CADM2: variants seen among roughly 807,000 people sequenced by gnomAD.
CADM2 encodes immunoglobulin superfamily member 4D.
In CADM2, 12 loss-of-function variants were observed where a neutral mutation model predicts 49.8. That is an observed-to-expected ratio of 0.24 (90% CI 0.15 to 0.39). CADM2 has a LOEUF of 0.39. Ranked by LOEUF, CADM2 falls within the 10% of genes least tolerant of loss-of-function variation. The probability of loss-of-function intolerance (pLI) is 1.00; values close to 1 mark genes in which losing one functional copy is unlikely to be tolerated. For synonymous variants in CADM2, 214 were observed against 175.4 expected (o/e 1.22, Z -1.74); for missense variants, 378 against 492.3 (o/e 0.77, Z 2.20).
chr3:86,027,045 G>A (rs1733982596), intron 8 of CADM2, among the ~76,000 whole-genome samples: 1 of 152,006 alleles, frequency 6.6e-6, no homozygotes, highest in African/African-American at 2.4e-5. Flanking sequence ...CAATTCAGAA[G>A]GAAGAATAAA....
At chr3:85,992,230 T>C (rs1004243249) in intron 8 of CADM2, 2 of 152,104 alleles carry the variant, frequency 1.3e-5, no homozygotes, top group African/African-American at 4.8e-5. Flanking sequence ...GTACTGCTTA[T>C]ACAAAAAAAT....
intron 3 of CADM2, among the ~76,000 whole-genome samples, chr3:85,828,845 C>A (rs1363053748): frequency 6.6e-6 from 1 of 151,842 alleles, no homozygotes. Flanking sequence ...CTGTACCTGA[C>A]AAATGATAGA....
At chr3:85,319,881 C>A (rs779285325) in intron 1 of CADM2, among the ~76,000 whole-genome samples, 14 of 152,126 alleles carry the variant, frequency 9.2e-5, no homozygotes, top group Non-Finnish European at 1.8e-4. Context: ...GTGACATGAG[C>A]TGTTCTATTT....
intron 1 of CADM2, among the ~76,000 whole-genome samples, chr3:85,471,851 G>C (rs1232848191): frequency 6.6e-6 from 1 of 151,474 alleles, no homozygotes; most frequent in Non-Finnish European, 1.5e-5. Context: ...ATATTTTAAA[G>C]ATTAACATAA....
At chr3:85,188,016 C>T (rs1004410867) in intron 1 of CADM2, among the ~76,000 whole-genome samples, 4 of 151,618 alleles carry the variant, frequency 2.6e-5, no homozygotes, top group African/African-American at 9.7e-5. Context: ...AAGTTATTAT[C>T]TAAATTATTT....
At chr3:85,069,206 C>G (rs1235536082) in intron 1 of CADM2, among the ~76,000 whole-genome samples, 1 of 151,794 alleles carries the variant, frequency 6.6e-6, no homozygotes, top group Non-Finnish European at 1.5e-5. Flanking sequence ...AGATTTGATA[C>G]TGTAAATTTA....
At chr3:85,631,305 T>C (rs1467725726) in intron 1 of CADM2, among the ~76,000 whole-genome samples, 4 of 152,128 alleles carry the variant, frequency 2.6e-5, no homozygotes, top group African/African-American at 7.2e-5. Flanking sequence ...TGGGGTATAG[T>C]ATCTTCATAG....
chr3:85,026,843 T>C lies in CADM2; in HGVS notation c.61+67175T>C, dbSNP rs375007247. ...AACTATAAGCCCTACATTAATCTGC[T>C]TGGTTGAAAATGGAGATACTTTACT... On this transcript the variant is annotated intron_variant, in intron 1 of 9. Coordinates refer to ENST00000383699, the MANE Select transcript of CADM2 (RefSeq NM_001167675.2). Among the ~76,000 whole-genome samples, 11 of 152,170 alleles carry C rather than the reference T, an allele frequency of 7.2e-5. 1 individual carries two copies. The East Asian group carries it at 9.7e-4, about 13-fold the overall frequency.
intron 1 of CADM2, among the ~76,000 whole-genome samples, chr3:85,069,198 A>G (rs930309841): frequency 4.6e-5 from 7 of 151,974 alleles, no homozygotes; most frequent in African/African-American, 1.7e-4. Context: ...AAAAAAAAAG[A>G]TTTGATACTG....
chr3:85,314,300 A>G (rs1355261773), intron 1 of CADM2, among the ~76,000 whole-genome samples: 1 of 152,126 alleles, frequency 6.6e-6, no homozygotes, highest in East Asian at 1.9e-4. Context: ...CATATAGACC[A>G]GTATTGCTTT....
chr3:86,056,080 T>C (rs931672492), intron 8 of CADM2, among the ~76,000 whole-genome samples: 1 of 152,208 alleles, frequency 6.6e-6, no homozygotes, highest in Admixed American at 6.5e-5. Context: ...ATCACCTAGA[T>C]AGCCTTTAAA....
At position 85,421,832 on chromosome 3, in the gene CADM2, A is replaced by G. The variant is rs368956493; in HGVS notation, c.62-304690A>G. Reference sequence around the variant, plus strand: ...CAGCAATTACACAAGTAAATACAGCATTCTGTTTAATCAGTATGGTGGCAC... The same window carrying G: ...CAGCAATTACACAAGTAAATACAGCGTTCTGTTTAATCAGTATGGTGGCAC... On this transcript the variant is annotated intron_variant, in intron 1 of 9. Transcript: ENST00000383699. Among the ~76,000 whole-genome samples the G allele has an allele frequency of 1.2e-4, 18 of 152,362 alleles. No individual in the cohort carries two copies. In the South Asian group the frequency reaches 3.5e-3, roughly 30 times the overall value.
intron 2 of CADM2, among the ~76,000 whole-genome samples, chr3:85,795,067 A>T (rs937997248): frequency 6.6e-6 from 1 of 152,124 alleles, no homozygotes; most frequent in Non-Finnish European, 1.5e-5. Context: ...TAGCATATTC[A>T]TCACCTCACC....
intron 1 of CADM2, among the ~76,000 whole-genome samples, chr3:85,477,359 C>G (rs1482535867): frequency 6.7e-6 from 1 of 148,728 alleles, no homozygotes; most frequent in Non-Finnish European, 1.5e-5. Context: ...CTTACATATC[C>G]AAGGAGAGAG....
chr3:85,214,541 C>G (rs904252845), intron 1 of CADM2, among the ~76,000 whole-genome samples: 2 of 152,030 alleles, frequency 1.3e-5, no homozygotes, highest in East Asian at 1.9e-4. Context: ...TCCCCCACCC[C>G]CCAACCCTGG....
chr3:85,221,322 T>C (rs2042039686), intron 1 of CADM2, among the ~76,000 whole-genome samples: 1 of 152,040 alleles, frequency 6.6e-6, no homozygotes, highest in East Asian at 1.9e-4. Flanking sequence ...AGGAAAAAAA[T>C]GCTAGTAATC....
chr3:85,376,107 C>T (rs1011250531), intron 1 of CADM2, among the ~76,000 whole-genome samples: 2 of 152,042 alleles, frequency 1.3e-5, no homozygotes, highest in Admixed American at 6.6e-5. Flanking sequence ...TCAAAGAACA[C>T]CCAAGTTCCT....
chr3:85,280,282 T>G lies in CADM2; in HGVS notation c.61+320614T>G, dbSNP rs561399399. Among the ~76,000 whole-genome samples, 121 of 151,828 alleles carry G rather than the reference T, an allele frequency of 8.0e-4. 1 individual carries two copies. The Middle Eastern group carries it at 0.024, about 30-fold the overall frequency. ...TGAAAAGGTCTTTATTTCTCCTTCA[T>G]TGTTGAAGGGTAGTTTTGTCATATA... On this transcript the variant is annotated intron_variant, in intron 1 of 9. Coordinates refer to ENST00000383699, the MANE Select transcript of CADM2 (RefSeq NM_001167675.2).
chr3:85,387,224 T>A (rs1008976873), intron 1 of CADM2, among the ~76,000 whole-genome samples: 2 of 152,148 alleles, frequency 1.3e-5, no homozygotes, highest in Admixed American at 6.5e-5. Context: ...AAGTAATTTT[T>A]CCCCCTAAAT....
Sources: gnomAD v4.1 joint callset for allele counts (sites outside exome capture counted in the v4.1 genomes callset) on GRCh38, gnomAD v4.1.1 for gene constraint, MANE v1.5 for transcripts, NCBI Gene and HGNC (gene_info 2026-07-23, HGNC 2026-07-21) for gene names.